TMEM114: variants seen among roughly 807,000 people sequenced by gnomAD.
TMEM114 encodes claudin-26.
TMEM114 carries 6 observed loss-of-function variants against 6.2 expected under a neutral mutation model. The ratio of observed to expected loss-of-function variants is 0.97; its 90% CI spans 0.53 to 1.91. The LOEUF is 1.91. TMEM114 is among the 40% of genes most tolerant of loss of function. The probability of loss-of-function intolerance (pLI) is 0.01; values close to 1 mark genes in which losing one functional copy is unlikely to be tolerated. For synonymous variants in TMEM114, 104 were observed against 73.0 expected, an observed-to-expected ratio of 1.42 and a Z score of -2.16; for missense variants, 218 against 158.3, an observed-to-expected ratio of 1.38 and a Z score of -2.02.
chr16:8,543,598 C>T (rs1026763970), intron 2 of TMEM114, among the ~76,000 whole-genome samples: 2 of 152,100 alleles, frequency 1.3e-5, no homozygotes, highest in African/African-American at 4.8e-5. Context: ...AAACTCAGCT[C>T]AGATGTCATC....
At chr16:8,576,453 G>T (rs1020752926) in intron 2 of TMEM114, among the ~76,000 whole-genome samples, 4 of 152,302 alleles carry the variant, frequency 2.6e-5, no homozygotes, top group Admixed American at 2.6e-4. Context: ...AACTGCAGGG[G>T]TGTCCCCACT....
chr16:8,556,495 CGTTGTT>C (rs145389529), intron 2 of TMEM114, among the ~76,000 whole-genome samples: 19 of 151,892 alleles, frequency 1.3e-4, no homozygotes, highest in Admixed American at 5.3e-4. Flanking sequence ...CTTTATTTGT[CGTTGTT>C]GTTGTTGTTG....
chr16:8,557,067 G>A (rs544404756), intron 2 of TMEM114, among the ~76,000 whole-genome samples: 8 of 152,268 alleles, frequency 5.3e-5, no homozygotes, highest in African/African-American at 1.7e-4. Context: ...CACTCAGAGA[G>A]GGTAGCAGAT....
intron 2 of TMEM114, among the ~76,000 whole-genome samples, chr16:8,580,053 G>C (rs1390775996): frequency 6.6e-6 from 1 of 152,070 alleles, no homozygotes; most frequent in African/African-American, 2.4e-5. Context: ...ACCCAAAGTA[G>C]CAATACCTCA....
At chr16:8,585,984 T>A (rs1045928473) in intron 2 of TMEM114, among the ~76,000 whole-genome samples, 1 of 152,192 alleles carries the variant, frequency 6.6e-6, no homozygotes, top group Admixed American at 6.5e-5. Flanking sequence ...GGATGTGAGT[T>A]CTGCTCTGTC....
rs1047415748 is a variant in TMEM114, at chr16:8,587,599, G to A, written c.301+1614C>T. On this transcript the variant is annotated intron_variant, in intron 2 of 3. Coordinates refer to ENST00000620492, the MANE Select transcript of TMEM114 (RefSeq NM_001146336.2). ...AAGGCCAGCACAGCTGGAAAGAAAG[G>A]AGTAAAGCGGAGAATGGGGCTGGAG... Among the ~76,000 whole-genome samples, 17 of 152,340 alleles carry A rather than the reference G, an allele frequency of 1.1e-4. 1 individual carries two copies. Among genetic ancestry groups the A allele is most frequent in the Admixed American group, 2.0e-4 (3 of 15,306 alleles).
chr16:8,533,277 C>T (rs1423578910), downstream of TMEM114, among the ~76,000 whole-genome samples: 2 of 152,196 alleles, frequency 1.3e-5, no homozygotes, highest in African/African-American at 4.8e-5. Context: ...TTTGATAGAA[C>T]ATCTGAGTTG....
chr16:8,572,808 G>A (rs923472683), intron 2 of TMEM114, among the ~76,000 whole-genome samples: 1 of 152,180 alleles, frequency 6.6e-6, no homozygotes, highest in African/African-American at 2.4e-5. Context: ...CATTACAAGA[G>A]CCAGGGTGTT....
At position 8,590,040 on chromosome 16, in the gene TMEM114, G is replaced by T; in HGVS notation, c.-202C>A. ...CTCACCTGCCGGCTCCGACCTGCAC[G>T]CGCCCCCCGCTCAGCCGCCGTCCAC... On this transcript the variant is annotated 5_prime_UTR_variant, in exon 1 of 4. Coordinates refer to ENST00000620492, the MANE Select transcript of TMEM114 (RefSeq NM_001146336.2). 1 of 379,510 alleles carries T rather than the reference G, an allele frequency of 2.6e-6. No homozygotes were observed. The highest frequency in any genetic ancestry group is 4.7e-6 in the Non-Finnish European group (1 of 214,670). 23.5% of individuals were successfully genotyped at this position (379,510 alleles called of 1,614,324 possible). A position where few individuals can be genotyped will look rare whatever the true frequency, so the allele number is the denominator to read the frequency against.
downstream of TMEM114, among the ~76,000 whole-genome samples, chr16:8,565,775 C>T (rs949487274): frequency 6.6e-6 from 1 of 152,188 alleles, no homozygotes; most frequent in Non-Finnish European, 1.5e-5. Context: ...ACCTGGGGAA[C>T]TTTGTGAACA....
chr16:8,578,992 A>G (rs1447874799), intron 2 of TMEM114, among the ~76,000 whole-genome samples: 1 of 152,188 alleles, frequency 6.6e-6, no homozygotes, highest in East Asian at 1.9e-4. Flanking sequence ...AAAATAAAAT[A>G]AAATAAAATA....
chr16:8,578,013 T>G (rs1250144444), intron 2 of TMEM114, among the ~76,000 whole-genome samples: 2 of 152,122 alleles, frequency 1.3e-5, no homozygotes, highest in Non-Finnish European at 1.5e-5. Context: ...ACTGCCCTCA[T>G]GGAGTTCACA....
At chr16:8,562,741 G>A (rs949334858) in intron 2 of TMEM114, among the ~76,000 whole-genome samples, 9 of 137,688 alleles carry the variant, frequency 6.5e-5, no homozygotes, top group South Asian at 2.6e-4. Context: ...AATGAGTGAC[G>A]GAGTAAATGA....
downstream of TMEM114, among the ~76,000 whole-genome samples, chr16:8,533,128 T>C (rs1207625357): frequency 2.2e-5 from 3 of 138,316 alleles, no homozygotes; most frequent in African/African-American, 8.1e-5. Flanking sequence ...AAGAGACAGA[T>C]AACCAACAAA....
chr16:8,545,850 C>G lies in TMEM114; in HGVS notation n.213-8024G>C, dbSNP rs936696571. The stretch of plus-strand genomic sequence containing the variant: ...AAATGCTCAGCCAGGCATGGTGGCT[C>G]ATGCCTGTAATCCCAGCACTTTGGG... On this transcript the variant is annotated intron_variant and non_coding_transcript_variant, in intron 2 of 2. Coordinates refer to the TMEM114 transcript ENST00000623677. Among the ~76,000 whole-genome samples, 5 of 152,322 alleles carry G rather than the reference C, an allele frequency of 3.3e-5. No homozygotes were observed. In the South Asian group the frequency reaches 1.0e-3, roughly 32 times the overall value.
chr16:8,546,214 C>A (rs756218092), intron 2 of TMEM114, among the ~76,000 whole-genome samples: 2 of 152,158 alleles, frequency 1.3e-5, no homozygotes, highest in African/African-American at 2.4e-5. Flanking sequence ...ACATGCACCA[C>A]GATGTTTCAG....
At chr16:8,586,231 A>G (rs28628590) in intron 2 of TMEM114, among the ~76,000 whole-genome samples, 2,364 of 152,198 alleles carry the variant, frequency 0.016, 61 homozygotes, top group African/African-American at 0.055. Context: ...ATGTCTGGAA[A>G]CTCGATGTCA....
At chr16:8,529,902 C>G in the TMEM114 span, among the ~76,000 whole-genome samples, 4 of 152,240 alleles carry the variant, frequency 2.6e-5, no homozygotes, top group South Asian at 8.3e-4. Context: ...TCTTGGATTT[C>G]TATGAATTAG....
At chr16:8,544,421 G>T (rs1900599946) in intron 2 of TMEM114, among the ~76,000 whole-genome samples, 1 of 152,204 alleles carries the variant, frequency 6.6e-6, no homozygotes, top group Admixed American at 6.5e-5. Context: ...GAAGTAAAGG[G>T]GGTGATATTT....
Sources: gnomAD v4.1 joint callset for allele counts (sites outside exome capture counted in the v4.1 genomes callset) on GRCh38, gnomAD v4.1.1 for gene constraint, MANE v1.5 for transcripts, NCBI Gene and HGNC (gene_info 2026-07-23, HGNC 2026-07-21) for gene names.